Variants in NPAS3 observed in about 807,000 individuals in gnomAD.
NPAS3 encodes neuronal PAS domain protein 3.
Under a neutral mutation model 73.1 loss-of-function variants are expected in NPAS3, and 14 were observed. The observed-to-expected ratio is 0.19, with a 90% CI of 0.13 to 0.30. NPAS3 has a LOEUF of 0.30. NPAS3 is among the 10% of genes least tolerant of loss of function. The pLI is 1.00. For synonymous variants in NPAS3, 620 were observed against 541.5 expected (o/e 1.14, Z -2.01); for missense variants, 1,096 against 1,250.0 (o/e 0.88, Z 1.86).
At chr14:33,178,070 ATTTTTTTTGTT>A (rs1283315844) in intron 2 of NPAS3, among the ~76,000 whole-genome samples, 1 of 123,868 alleles carries the variant, frequency 8.1e-6, no homozygotes, top group Non-Finnish European at 1.7e-5. Flanking sequence ...ATTGAAGTGA[ATTTTTTTTGTT>A]TTTTTTTTTT....
intron 3 of NPAS3, among the ~76,000 whole-genome samples, chr14:33,290,906 T>G (rs752459367): frequency 3.9e-5 from 6 of 152,174 alleles, no homozygotes; most frequent in Non-Finnish European, 8.8e-5. Flanking sequence ...TCTAAAGATA[T>G]ACACAGAATG....
At chr14:33,718,664 C>T (rs992808100) in intron 6 of NPAS3, among the ~76,000 whole-genome samples, 7 of 152,154 alleles carry the variant, frequency 4.6e-5, no homozygotes, top group African/African-American at 1.2e-4. Context: ...ACCTCAGAAG[C>T]GCTCAACAAA....
At chr14:33,120,985 T>C (rs1043542978) in intron 2 of NPAS3, among the ~76,000 whole-genome samples, 1 of 152,182 alleles carries the variant, frequency 6.6e-6, no homozygotes, top group African/African-American at 2.4e-5. Flanking sequence ...TGATAATTAC[T>C]GCCAAAATTA....
intron 3 of NPAS3, among the ~76,000 whole-genome samples, chr14:33,356,852 G>C (rs2045358798): frequency 6.6e-6 from 1 of 152,210 alleles, no homozygotes; most frequent in Non-Finnish European, 1.5e-5. Context: ...CTTGAACTCA[G>C]CCTTGAGTCT....
chr14:33,583,536 C>A (rs1316834918), intron 5 of NPAS3: 1 of 151,898 alleles, frequency 6.6e-6, no homozygotes, highest in East Asian at 1.9e-4. Context: ...AAAAGATGAG[C>A]TAATGGCATA....
intron 2 of NPAS3, among the ~76,000 whole-genome samples, chr14:33,157,218 G>T (rs916550691): frequency 6.6e-6 from 1 of 152,166 alleles, no homozygotes; most frequent in Non-Finnish European, 1.5e-5. Flanking sequence ...GAATTAAAGA[G>T]ATTTTAGTTA....
At chr14:33,538,748 G>T (rs2054368990) in intron 4 of NPAS3, among the ~76,000 whole-genome samples, 1 of 152,166 alleles carries the variant, frequency 6.6e-6, no homozygotes, top group Non-Finnish European at 1.5e-5. Context: ...AAAATGAAAA[G>T]TTTTTGTTTT....
chr14:33,600,528 G>A (rs955073753), intron 5 of NPAS3, among the ~76,000 whole-genome samples: 5 of 152,144 alleles, frequency 3.3e-5, no homozygotes, highest in Admixed American at 6.5e-5. Context: ...ATAGTATTAT[G>A]AATTGTATAA....
rs193115941 is a variant in NPAS3 at position 33,428,424 on chromosome 14, C to T, written c.468+61156C>T. ...GCTGTAATTAGTTCTTAAAGTCTGC[C>T]TACAGATTTGTTTATAGATGTATAT... On this transcript the variant is annotated intron_variant, in intron 4 of 11. Coordinates refer to ENST00000356141, the Ensembl canonical transcript of NPAS3. 3.5e-4 allele frequency among the ~76,000 whole-genome samples: 53 copies of T among 152,164 alleles called. 1 individual carries two copies. In the East Asian group the frequency reaches 8.3e-3, roughly 24 times the overall value.
chr14:33,437,905 T>C (rs2139231079), intron 4 of NPAS3, among the ~76,000 whole-genome samples: 1 of 152,308 alleles, frequency 6.6e-6, no homozygotes, highest in African/African-American at 2.4e-5. Context: ...AGGTAGCCTA[T>C]TTCTTCCCCC....
rs575618305 is a variant in NPAS3 at position 33,442,141 on chromosome 14, G to A, written c.468+74873G>A. Among the ~76,000 whole-genome samples, 4 of 152,252 alleles carry A rather than the reference G, an allele frequency of 2.6e-5. No individual in the cohort carries two copies. The South Asian group carries it at 6.2e-4, about 24-fold the overall frequency. On this transcript the variant is annotated intron_variant, in intron 4 of 11. Transcript: ENST00000356141. ...ATGTGGTCTCAGTAGGGTGAAGACT[G>A]GGGGGAGGACTAAATCCTTGATCTA...
intron 2 of NPAS3, among the ~76,000 whole-genome samples, chr14:33,115,114 C>A (rs1174481812): frequency 1.3e-5 from 2 of 152,056 alleles, no homozygotes; most frequent in East Asian, 1.9e-4. Flanking sequence ...GCAAGCCAGT[C>A]TTTGTTTTGA....
chr14:33,525,322 A>T (rs2053749226), intron 4 of NPAS3, among the ~76,000 whole-genome samples: 1 of 152,174 alleles, frequency 6.6e-6, no homozygotes, highest in African/African-American at 2.4e-5. Context: ...AGTAAGCATG[A>T]TATTTGAAAT....
intron 4 of NPAS3, among the ~76,000 whole-genome samples, chr14:33,530,427 C>T (rs922796120): frequency 1.3e-5 from 2 of 152,138 alleles, no homozygotes; most frequent in Non-Finnish European, 2.9e-5. Context: ...GTATCGTGGT[C>T]AGGCCCTGTG....
At chr14:33,411,709 T>C (rs185511100) in intron 4 of NPAS3, among the ~76,000 whole-genome samples, 1 of 152,310 alleles carries the variant, frequency 6.6e-6, no homozygotes, top group East Asian at 1.9e-4. Context: ...ATTTCGAACA[T>C]GCCTTGCTTT....
intron 3 of NPAS3, among the ~76,000 whole-genome samples, chr14:33,235,631 C>G (rs1161766293): frequency 6.6e-6 from 1 of 151,898 alleles, no homozygotes; most frequent in African/African-American, 2.4e-5. Flanking sequence ...CAGTTTTGAA[C>G]AGAAATATTT....
intron 6 of NPAS3, among the ~76,000 whole-genome samples, chr14:33,707,784 C>G (rs1344651129): frequency 2.6e-5 from 4 of 152,044 alleles, no homozygotes; most frequent in Non-Finnish European, 4.4e-5. Flanking sequence ...GAGAAAGAGG[C>G]CTGGAGGAAA....
chr14:33,356,410 A>C (rs190517420), intron 3 of NPAS3, among the ~76,000 whole-genome samples: 2 of 152,292 alleles, frequency 1.3e-5, no homozygotes, highest in East Asian at 3.9e-4. Context: ...CTCTGTCTGC[A>C]TTTAGAAGGG....
At chr14:33,401,597 A>G (rs2047448195) in intron 4 of NPAS3, among the ~76,000 whole-genome samples, 1 of 152,098 alleles carries the variant, frequency 6.6e-6, no homozygotes, top group East Asian at 1.9e-4. Flanking sequence ...GAGTATAATA[A>G]TTGGACCTCA....
Sources: gnomAD v4.1 joint callset for allele counts (sites outside exome capture counted in the v4.1 genomes callset) on GRCh38, gnomAD v4.1.1 for gene constraint, MANE v1.5 for transcripts, NCBI Gene and HGNC (gene_info 2026-07-23, HGNC 2026-07-21) for gene names.